The following MTHFD2L variants were observed in gnomAD, a reference collection of about 807,000 sequenced individuals.
MTHFD2L encodes the protein bifunctional methylenetetrahydrofolate dehydrogenase/cyclohydrolase 2, mitochondrial.
Under a neutral mutation model 34.9 loss-of-function variants are expected in MTHFD2L, and 29 were observed. The ratio of observed to expected loss-of-function variants is 0.83; its 90% confidence interval spans 0.62 to 1.13. The LOEUF (loss-of-function observed/expected upper bound fraction) is 1.13. Ranked by LOEUF, MTHFD2L falls within the 50% of genes most tolerant of loss-of-function variation. The pLI is 0.00. For synonymous variants in MTHFD2L, 167 were observed against 155.7 expected (o/e 1.07, Z -0.54); for missense variants, 481 against 446.5 (o/e 1.08, Z -0.70).
At chr4:74,290,704 G>C (rs1000850733) in intron 7 of MTHFD2L, among the ~76,000 whole-genome samples, 1 of 151,742 alleles carries the variant, frequency 6.6e-6, no homozygotes, top group Non-Finnish European at 1.5e-5. Context: ...CCATTCCCAC[G>C]AAAGTATTAA....
At chr4:74,131,158 G>T (rs538776165) in intron 1 of MTHFD2L, among the ~76,000 whole-genome samples, 1 of 152,256 alleles carries the variant, frequency 6.6e-6, no homozygotes, top group East Asian at 1.9e-4. Flanking sequence ...AGGCCATACT[G>T]CCCAAAGTAA....
chr4:74,122,210 T>A (rs577724075), upstream of MTHFD2L, among the ~76,000 whole-genome samples: 1 of 152,300 alleles, frequency 6.6e-6, no homozygotes, highest in African/African-American at 2.4e-5. Flanking sequence ...AAGAACTACC[T>A]GAGGCTGGGT....
At chr4:74,156,264 A>G (rs927539463), upstream of MTHFD2L, among the ~76,000 whole-genome samples, 2 of 152,148 alleles carry the variant, frequency 1.3e-5, no homozygotes, top group African/African-American at 4.8e-5. Context: ...AACCTTTGGC[A>G]ACCACTGATC....
chr4:74,211,696 C>T (rs1189296798), intron 5 of MTHFD2L, among the ~76,000 whole-genome samples: 2 of 152,086 alleles, frequency 1.3e-5, no homozygotes, highest in East Asian at 3.8e-4. Flanking sequence ...ATGCTGGCCT[C>T]ATAAAATGAG....
At chr4:74,156,980 T>A (rs1227861020), upstream of MTHFD2L, 1 of 152,200 alleles carries the variant, frequency 6.6e-6, no homozygotes. Context: ...TTTGCGAATA[T>A]TTTCTCCCAG....
chr4:74,233,346 G>C (rs1407666719), intron 6 of MTHFD2L, among the ~76,000 whole-genome samples: 1 of 152,144 alleles, frequency 6.6e-6, no homozygotes, highest in East Asian at 1.9e-4. Context: ...TTAAAGTAAA[G>C]AGGGTTTGGT....
At chr4:74,143,183 T>C (rs1212931589) in intron 1 of MTHFD2L, among the ~76,000 whole-genome samples, 15 of 151,762 alleles carry the variant, frequency 9.9e-5, no homozygotes. Flanking sequence ...GGTATCACAG[T>C]AAGTTGGGAA....
intron 1 of MTHFD2L, among the ~76,000 whole-genome samples, chr4:74,153,074 T>C (rs1240020843): frequency 1.3e-5 from 2 of 152,194 alleles, no homozygotes; most frequent in Non-Finnish European, 2.9e-5. Context: ...TGATTTTCCC[T>C]TGACATCTCA....
chr4:74,259,443 C>A (rs773149916), intron 6 of MTHFD2L, among the ~76,000 whole-genome samples: 3 of 152,134 alleles, frequency 2.0e-5, no homozygotes, highest in African/African-American at 7.2e-5. Flanking sequence ...TCCTCCCCAC[C>A]ACCAGCATGA....
rs564284682 is a variant in MTHFD2L, at chr4:74,148,383, A to C, written c.-296-11672A>C. Among the ~76,000 whole-genome samples the C allele has an allele frequency of 2.4e-3, 128 of 52,778 alleles. 5 individuals are homozygous for C. Among genetic ancestry groups the C allele is most frequent in the South Asian group, 1.7e-3 (2 of 1,158 alleles). 34.6% of individuals were successfully genotyped at this position (52,778 alleles called of 152,430 possible). Reference sequence around the variant, plus strand: ...TATTTATTTATTTATTTATTTATTTATTTATTTATCTATCTATCTATTTAG... The same window carrying C: ...TATTTATTTATTTATTTATTTATTTCTTTATTTATCTATCTATCTATTTAG... On this transcript the variant is annotated intron_variant, in intron 1 of 7. Transcript: ENST00000433372.
At chr4:74,152,140 A>G (rs535341032) in intron 1 of MTHFD2L, among the ~76,000 whole-genome samples, 1 of 152,154 alleles carries the variant, frequency 6.6e-6, no homozygotes, top group South Asian at 2.1e-4. Flanking sequence ...CCTAATAATT[A>G]CATTTATCAG....
rs538594838 is a variant in MTHFD2L, at chr4:74,186,736, C to G, written c.451+11333C>G. Among the ~76,000 whole-genome samples, 7 of 152,148 alleles carry G rather than the reference C, an allele frequency of 4.6e-5. No homozygotes were observed. The East Asian group carries it at 1.2e-3, about 25-fold the overall frequency. On this transcript the variant is annotated intron_variant, in intron 3 of 7. Transcript: ENST00000325278. ...TGTTTATGGATCAGAAGACTAAATA[C>G]TGTTAAAATACCAATTTTCCTCCAA...
At chr4:74,241,201 A>G (rs1741659801) in intron 6 of MTHFD2L, among the ~76,000 whole-genome samples, 1 of 152,110 alleles carries the variant, frequency 6.6e-6, no homozygotes, top group South Asian at 2.1e-4. Context: ...CCATTATCAA[A>G]TGATTTCTTC....
chr4:74,172,731 T>G (rs922216290), intron 1 of MTHFD2L, among the ~76,000 whole-genome samples: 2 of 152,194 alleles, frequency 1.3e-5, no homozygotes, highest in African/African-American at 4.8e-5. Flanking sequence ...AGGCAGTTTT[T>G]GATGTGTGTA....
At chr4:74,176,591 T>C (rs1372480866) in intron 3 of MTHFD2L, among the ~76,000 whole-genome samples, 1 of 152,040 alleles carries the variant, frequency 6.6e-6, no homozygotes, top group African/African-American at 2.4e-5. Flanking sequence ...GACCAATCAT[T>C]TGAAAGAAGT....
intron 6 of MTHFD2L, among the ~76,000 whole-genome samples, chr4:74,277,858 C>A (rs901048900): frequency 1.3e-5 from 2 of 151,868 alleles, no homozygotes; most frequent in African/African-American, 2.4e-5. Context: ...AGCCTAGGTT[C>A]ATTTAACCAT....
intron 6 of MTHFD2L, among the ~76,000 whole-genome samples, chr4:74,229,943 C>T (rs1010882948): frequency 2.0e-5 from 3 of 151,984 alleles, no homozygotes; most frequent in East Asian, 1.9e-4. Flanking sequence ...CAGGTAAAGG[C>T]GTGGTATTTT....
At chr4:74,236,552 G>C (rs188085191) in intron 6 of MTHFD2L, among the ~76,000 whole-genome samples, 1 of 152,290 alleles carries the variant, frequency 6.6e-6, no homozygotes, top group African/African-American at 2.4e-5. Flanking sequence ...CTTCCCTGGG[G>C]CTCAGGTCAA....
intron 1 of MTHFD2L, among the ~76,000 whole-genome samples, chr4:74,159,746 AG>A: frequency 1.3e-5 from 2 of 152,350 alleles, no homozygotes; most frequent in South Asian, 4.1e-4. Flanking sequence ...TTGAGTGCAA[AG>A]GTTTTGGAAA....
Sources: gnomAD v4.1 joint callset for allele counts (sites outside exome capture counted in the v4.1 genomes callset) on GRCh38, gnomAD v4.1.1 for gene constraint, MANE v1.5 for transcripts, NCBI Gene and HGNC (gene_info 2026-07-23, HGNC 2026-07-21) for gene names.